The following SCAPER variants were observed in gnomAD, a reference collection of about 807,000 sequenced individuals.
SCAPER encodes S phase cyclin A-associated protein in the endoplasmic reticulum.
SCAPER carries 98 observed loss-of-function variants against 182.2 expected under a neutral mutation model. The observed-to-expected ratio is 0.54, with a 90% CI of 0.46 to 0.64. SCAPER has a LOEUF of 0.64. SCAPER is among the 30% of genes least tolerant of loss of function. The pLI, the probability that SCAPER is intolerant of heterozygous loss-of-function variation, is 0.00. For synonymous variants in SCAPER, 605 were observed against 564.6 expected, an observed-to-expected ratio of 1.07 and a Z score of -1.01; for missense variants, 1,432 against 1,690.0, an observed-to-expected ratio of 0.85 and a Z score of 2.68.
At chr15:76,546,944 T>C (rs2045349714) in intron 23 of SCAPER, among the ~76,000 whole-genome samples, 1 of 152,170 alleles carries the variant, frequency 6.6e-6, no homozygotes, top group Non-Finnish European at 1.5e-5. Flanking sequence ...CTTTCTGCCA[T>C]TTTTCCACTG....
chr15:76,370,242 T>C (rs985383198), intron 29 of SCAPER, among the ~76,000 whole-genome samples: 1 of 151,954 alleles, frequency 6.6e-6, no homozygotes, highest in Non-Finnish European at 1.5e-5. Context: ...ACTTCTTTTT[T>C]GTTTACTTCA....
intron 1 of SCAPER, among the ~76,000 whole-genome samples, chr15:76,886,661 A>G (rs4886840): frequency 0.33 from 50,854 of 152,006 alleles, 8,789 homozygotes; most frequent in East Asian, 0.55. Context: ...GTATATACCC[A>G]AGGGAACATA....
intron 1 of SCAPER, among the ~76,000 whole-genome samples, chr15:76,897,815 C>A (rs1041508971): frequency 6.6e-5 from 10 of 152,214 alleles, no homozygotes; most frequent in African/African-American, 2.4e-4. Context: ...AGGCACCTGA[C>A]AGATTATTGT....
Position 76,702,898 on chromosome 15 carries a change from T to C in SCAPER, c.2352A>G (p.Lys784=). ...GCTTCTTTCTTTCATAAGGGGTCAG[T>C]TTGGGGGCATAATCAGTATTTGCAT... ...GRHANTDYAP[K]LTPYERKKQC... is the part of the protein sequence containing the mutation. Residue 784 remains lysine, a synonymous_variant, in exon 19 of 32, where the codon AAA becomes AAG. Coordinates refer to ENST00000563290, the MANE Select transcript of SCAPER (RefSeq NM_020843.4). The C allele has an allele frequency of 3.1e-6, 5 of 1,610,410 alleles. No homozygotes were observed. The highest frequency in any genetic ancestry group is 4.2e-6 in the Non-Finnish European group (5 of 1,178,984).
chr15:76,714,110 T>C (rs1470907050), intron 17 of SCAPER, among the ~76,000 whole-genome samples: 1 of 152,042 alleles, frequency 6.6e-6, no homozygotes, highest in Non-Finnish European at 1.5e-5. Context: ...AAAAAAATAG[T>C]GCAGAGTAAA....
chr15:76,898,857 T>C (rs1328579013), intron 1 of SCAPER, among the ~76,000 whole-genome samples: 1 of 152,238 alleles, frequency 6.6e-6, no homozygotes, highest in Non-Finnish European at 1.5e-5. Flanking sequence ...TCCACAACTC[T>C]GTGAATACAT....
At chr15:76,541,986 C>T (rs969437766) in intron 23 of SCAPER, among the ~76,000 whole-genome samples, 1 of 152,082 alleles carries the variant, frequency 6.6e-6, no homozygotes, top group Non-Finnish European at 1.5e-5. Flanking sequence ...TGAGGGGAAC[C>T]TGAGTTTTTC....
At chr15:76,489,047 C>A (rs2052002769) in intron 24 of SCAPER, among the ~76,000 whole-genome samples, 1 of 150,284 alleles carries the variant, frequency 6.7e-6, no homozygotes, top group South Asian at 2.2e-4. Flanking sequence ...AAGAAAGGAT[C>A]AGTTTTGTTG....
At chr15:76,451,110 A>G (rs935550886) in intron 25 of SCAPER, among the ~76,000 whole-genome samples, 7 of 152,234 alleles carry the variant, frequency 4.6e-5, no homozygotes, top group African/African-American at 1.7e-4. Flanking sequence ...AATAACTGCA[A>G]TCACACAGTA....
intron 17 of SCAPER, among the ~76,000 whole-genome samples, chr15:76,727,909 T>TA (rs2060688670): frequency 1.3e-5 from 2 of 151,996 alleles, no homozygotes; most frequent in South Asian, 4.1e-4. Context: ...GCACTTTGCA[T>TA]AAAAAAACCC....
chr15:76,660,760 A>C (rs947736378), intron 21 of SCAPER, among the ~76,000 whole-genome samples: 4 of 152,140 alleles, frequency 2.6e-5, no homozygotes, highest in Admixed American at 6.5e-5. Flanking sequence ...ACAGTATACA[A>C]ATTGGAAAGT....
chr15:76,892,442 T>C (rs1383038303), intron 1 of SCAPER, among the ~76,000 whole-genome samples: 3 of 151,918 alleles, frequency 2.0e-5, no homozygotes, highest in Non-Finnish European at 4.4e-5. Flanking sequence ...AGGGCTAATA[T>C]CCAGAATCTA....
chr15:76,422,226 C>T (rs1243404812), intron 26 of SCAPER, among the ~76,000 whole-genome samples: 5 of 152,134 alleles, frequency 3.3e-5, no homozygotes, highest in African/African-American at 4.8e-5. Flanking sequence ...GCCATTTTCA[C>T]GATATTGATT....
chr15:76,665,805 A>G lies in SCAPER; in HGVS notation c.2509-16T>C. On this transcript the variant is annotated splice_polypyrimidine_tract_variant and intron_variant, in intron 20 of 31. Transcript: ENST00000563290. Reference sequence around the variant, plus strand: ...AAAGATGCTCCTGCAAGATAAATAAATAAAATAATAATAATGAGGATGATC... The same window carrying G: ...AAAGATGCTCCTGCAAGATAAATAAGTAAAATAATAATAATGAGGATGATC... The G allele has an allele frequency of 6.8e-7, 1 of 1,479,180 alleles. No homozygotes were observed. Among genetic ancestry groups the G allele is most frequent in the Non-Finnish European group, 9.0e-7 (1 of 1,112,140 alleles). The allele number at this position is 1,479,180 out of a possible 1,614,324, so 91.6% of individuals were successfully genotyped here.
chr15:76,815,723 T>C (rs934109267), intron 5 of SCAPER, among the ~76,000 whole-genome samples: 2 of 152,122 alleles, frequency 1.3e-5, no homozygotes, highest in African/African-American at 4.8e-5. Flanking sequence ...GAGCGGCACA[T>C]GTGAAGGATC....
intron 2 of SCAPER, among the ~76,000 whole-genome samples, chr15:76,873,180 G>A (rs1366569673): frequency 2.0e-5 from 3 of 151,660 alleles, no homozygotes; most frequent in African/African-American, 7.3e-5. Context: ...GAAACCAGGA[G>A]TTCAAAGCTG....
intron 23 of SCAPER, among the ~76,000 whole-genome samples, chr15:76,565,910 T>C (rs1440731713): frequency 6.6e-6 from 1 of 152,142 alleles, no homozygotes; most frequent in Non-Finnish European, 1.5e-5. Flanking sequence ...TATTCAGTTA[T>C]GTATCAGTTG....
At chr15:76,417,817 A>T (rs2045757716) in intron 26 of SCAPER, among the ~76,000 whole-genome samples, 1 of 152,162 alleles carries the variant, frequency 6.6e-6, no homozygotes, top group East Asian at 1.9e-4. Context: ...CAAGAGATCG[A>T]GGCCATCCTG....
intron 26 of SCAPER, among the ~76,000 whole-genome samples, chr15:76,426,386 A>T (rs1214785835): frequency 6.6e-6 from 1 of 152,206 alleles, no homozygotes; most frequent in East Asian, 1.9e-4. Context: ...GTGAGGCTCC[A>T]TGGGTGTGGG....
Sources: allele counts gnomAD v4.1 joint callset (sites outside exome capture counted in the v4.1 genomes callset), GRCh38; gene constraint gnomAD v4.1.1; transcripts MANE v1.5; gene names NCBI Gene and HGNC (gene_info 2026-07-23, HGNC 2026-07-21).